The following ZKSCAN8 variants were observed in gnomAD, a reference collection of about 807,000 sequenced individuals.
The protein encoded by ZKSCAN8 is zinc finger with KRAB and SCAN domains 8.
In ZKSCAN8, 27 loss-of-function variants were observed where a neutral mutation model predicts 57.2. The ratio of observed to expected loss-of-function variants is 0.47; its 90% confidence interval spans 0.35 to 0.65. The LOEUF is 0.65. Among genes scored for constraint, ZKSCAN8 ranks in the 30% least tolerant of loss-of-function variants. ZKSCAN8 has a pLI of 0.01. For missense variants in ZKSCAN8, 597 were observed against 696.3 expected (o/e 0.86, Z 1.60); for synonymous variants, 214 against 248.7 (o/e 0.86, Z 1.31).
rs1765820565 is a variant in ZKSCAN8, at chr6:28,157,439, T to G, written c.*3422T>G. 1.3e-5 allele frequency: 2 copies of G among 152,278 alleles called. No homozygotes were observed. The highest frequency in any genetic ancestry group is 4.1e-4 in the South Asian group (2 of 4,826). 9.4% of individuals were successfully genotyped at this position (152,278 alleles called of 1,614,324 possible). On this transcript the variant is annotated 3_prime_UTR_variant, in exon 6 of 6. Transcript: ENST00000330236. ...ATGAGGAAACGGAGGCTTAGTTGAG[T>G]GAGCTGACCAATATCACCCAGCCAG...
At position 28,153,915 on chromosome 6, in the gene ZKSCAN8, C is replaced by T. The variant is rs62638669; in HGVS notation, c.1635C>T (p.Pro545=). ...TGAGAATTCACACAGGGGAGAAGCCCTACCAATGTAATGAGTGTGGGAAAG... is the reference window on the plus strand; with the variant it reads ...TGAGAATTCACACAGGGGAGAAGCCTTACCAATGTAATGAGTGTGGGAAAG... ...QHLRIHTGEK[P]YQCNECGKAF... is the part of the protein sequence containing the mutation. The change falls in exon 6 of 6, where the codon CCC becomes CCT. Residue 545 remains proline, a synonymous_variant. Coordinates refer to ENST00000330236, the MANE Select transcript of ZKSCAN8 (RefSeq NM_006298.4). The T allele has an allele frequency of 5.9e-4, 957 of 1,614,168 alleles. 9 individuals carry two copies. The African/African-American group carries it at 0.01, about 17-fold the overall frequency.
chr6:28,156,399 TTAC>T lies in ZKSCAN8; in HGVS notation c.*2385_*2387del, dbSNP rs1765784520. On this transcript the variant is annotated 3_prime_UTR_variant, in exon 6 of 6. Coordinates refer to ENST00000330236, the MANE Select transcript of ZKSCAN8 (RefSeq NM_006298.4). ...TAGCCAGATTACTTAAATCTCAGAATTACTAAGCATGTGGCATAAATTTGGAGA... is the reference window on the plus strand; with the variant it reads ...TAGCCAGATTACTTAAATCTCAGAATTAAGCATGTGGCATAAATTTGGAGA... 1 of 393,980 alleles carries T rather than the reference TTAC, an allele frequency of 2.5e-6. No individual in the cohort carries two copies. The highest frequency in any genetic ancestry group is 4.5e-6 in the Non-Finnish European group (1 of 223,506). The allele number at this position is 393,980 out of a possible 1,614,324, so 24.4% of individuals were successfully genotyped here. A position where few individuals can be genotyped will look rare whatever the true frequency, so the allele number is the denominator to read the frequency against.
In ZKSCAN8 at chr6:28,158,128, T is replaced by G. The variant is rs1023763140; in HGVS notation, c.*4111T>G. 4 of 152,178 alleles carry G rather than the reference T, an allele frequency of 2.6e-5. No individual in the cohort carries two copies. The highest frequency in any genetic ancestry group is 5.9e-5 in the Non-Finnish European group (4 of 68,040). 9.4% of individuals were successfully genotyped at this position (152,178 alleles called of 1,614,324 possible). A position where few individuals can be genotyped will look rare whatever the true frequency, so the allele number is the denominator to read the frequency against. On this transcript the variant is annotated 3_prime_UTR_variant, in exon 6 of 6. Transcript: ENST00000330236. ...AATAAGGCCTTTTTTTATTATTATTTCTTGTCTTTTTTGATCTAATTTATA... is the reference window on the plus strand; with the variant it reads ...AATAAGGCCTTTTTTTATTATTATTGCTTGTCTTTTTTGATCTAATTTATA...
At position 28,144,622 on chromosome 6, in the gene ZKSCAN8, T is replaced by A. The variant is rs1372506518; in HGVS notation, c.-93+2593T>A. ...CACCTCTGTCAACAAACATTTGCAA[T>A]AAGGCCATGGCCACATTCTCACAAT... is the stretch of plus-strand genomic sequence containing the variant. On this transcript the variant is annotated intron_variant, in intron 1 of 5. Transcript: ENST00000330236. This position sits in a 1 kb window ranked among gnomAD's most constrained non-coding sequence, Gnocchi z 4.5. Among the ~76,000 whole-genome samples, 1 of 152,218 alleles carries A rather than the reference T, an allele frequency of 6.6e-6. No homozygotes were observed. The highest frequency in any genetic ancestry group is 1.5e-5 in the Non-Finnish European group (1 of 68,028).
chr6:28,149,652 A>AG (rs777989317), intron 3 of ZKSCAN8, 28 bp downstream of exon 3: 12 of 1,610,432 alleles, frequency 7.5e-6, no homozygotes, highest in Admixed American at 6.7e-5. Context: ...ATTGATGATA[A>AG]GGGGGGGAAG....
Position 28,153,279 on chromosome 6 carries a change from G to A in ZKSCAN8, c.999G>A (p.Gln333=). ...ATGAATGTGGGAAAAGCTTTGCTCA[G>A]AGCTCAGGCCTTGTTCGCCACTGGA... ...KCDECGKSFA[Q]SSGLVRHWRI... The change falls in exon 6 of 6, where the codon CAG becomes CAA. Residue 333 remains glutamine, a synonymous_variant. Coordinates refer to ENST00000330236, the MANE Select transcript of ZKSCAN8 (RefSeq NM_006298.4). 6.2e-7 allele frequency: 1 copy of A among 1,614,236 alleles called. No homozygotes were observed.
At position 28,158,328 on chromosome 6, in the gene ZKSCAN8, A is replaced by C. The variant is rs1765853534; in HGVS notation, c.*4311A>C. 6.6e-6 allele frequency: 1 copy of C among 150,628 alleles called. No homozygotes were observed. The highest frequency in any genetic ancestry group is 2.5e-5 in the African/African-American group (1 of 40,814). 9.3% of individuals were successfully genotyped at this position (150,628 alleles called of 1,614,324 possible). ...TCTATACTCCTATTTATCCATTTTG[A>C]TTGTTTATACCTACTATTTGTATTC... On this transcript the variant is annotated 3_prime_UTR_variant, in exon 6 of 6. Coordinates refer to ENST00000330236, the MANE Select transcript of ZKSCAN8 (RefSeq NM_006298.4).
At chr6:28,151,676 G>A (rs1156731011) in intron 3 of ZKSCAN8, among the ~76,000 whole-genome samples, 169 bp from the exon 4 acceptor site, 1 of 152,142 alleles carries the variant, frequency 6.6e-6, no homozygotes, top group Non-Finnish European at 1.5e-5. Context: ...ATGTTTTGTG[G>A]GGCAGCCATA....
At position 28,157,001 on chromosome 6, in the gene ZKSCAN8, T is replaced by A. The variant is rs1454273271; in HGVS notation, c.*2984T>A. 6.6e-6 allele frequency: 1 copy of A among 152,220 alleles called. No homozygotes were observed. Among genetic ancestry groups the A allele is most frequent in the African/African-American group, 2.4e-5 (1 of 41,460 alleles). 9.4% of individuals were successfully genotyped at this position (152,220 alleles called of 1,614,324 possible). ...TATGTGCCCAACCCTGTTATGCCTT[T>A]CTCAGGCTCATGATAAATGTATTAG... On this transcript the variant is annotated 3_prime_UTR_variant, in exon 6 of 6. Transcript: ENST00000330236.
chr6:28,149,526 T>A lies in ZKSCAN8; in HGVS notation c.461T>A (p.Val154Glu), dbSNP rs1346919459. Reference protein sequence around the residue: ...VHGHRVLWEEVVHSASAPEPP... With the variant: ...VHGHRVLWEEEVHSASAPEPP... ...GGACATAGGGTACTCTGGGAGGAGG[T>A]AGTACATTCAGCATCTGCACCAGAG... The change falls in exon 3 of 6, where the codon GTA becomes GAA. Residue 154 changes from valine (V) to glutamate (E), a missense_variant. Coordinates refer to ENST00000330236, the MANE Select transcript of ZKSCAN8 (RefSeq NM_006298.4). 1.2e-6 allele frequency: 2 copies of A among 1,613,980 alleles called. No homozygotes were observed. The highest frequency in any genetic ancestry group is 1.7e-5 in the Admixed American group (1 of 59,978).
Position 28,156,237 on chromosome 6 carries a change from G to A in ZKSCAN8, c.*2220G>A. 2.5e-6 allele frequency: 1 copy of A among 398,246 alleles called. No homozygotes were observed. The highest frequency in any genetic ancestry group is 1.3e-4 in the South Asian group (1 of 7,852). The allele number at this position is 398,246 out of a possible 1,614,324, so 24.7% of individuals were successfully genotyped here. On this transcript the variant is annotated 3_prime_UTR_variant, in exon 6 of 6. Coordinates refer to ENST00000330236, the MANE Select transcript of ZKSCAN8 (RefSeq NM_006298.4). ...CGCTTCTCTTCTATTCCAATAAAAA[G>A]TCCTTTTAGCAATGCAACATATTAA...
At position 28,148,328 on chromosome 6, in the gene ZKSCAN8, A is replaced by T; in HGVS notation, c.-80A>T. 1 of 1,441,418 alleles carries T rather than the reference A, an allele frequency of 6.9e-7. No homozygotes were observed. Among genetic ancestry groups the T allele is most frequent in the South Asian group, 1.4e-5 (1 of 72,080 alleles). 89.3% of individuals were successfully genotyped at this position (1,441,418 alleles called of 1,614,324 possible). ...TTTCTTCATGAAGAAGTACCCTTAG[A>T]AAGAGGCCCTCAGAAGAGTCTTCTC... On this transcript the variant is annotated 5_prime_UTR_variant, in exon 2 of 6. Transcript: ENST00000330236.
rs1765410488 is a variant in ZKSCAN8 at position 28,146,737 on chromosome 6, C to T, written c.-92-1579C>T. 4.6e-5 allele frequency among the ~76,000 whole-genome samples: 7 copies of T among 152,286 alleles called. No homozygotes were observed. The South Asian group carries it at 1.5e-3, about 32-fold the overall frequency. On this transcript the variant is annotated intron_variant, in intron 1 of 5. Transcript: ENST00000330236. ...TAAAAGTTACACAATCAAGACTATT[C>T]TGTATTGGTGAAAGAATAGATGTAT...
rs1321155926 is a variant in ZKSCAN8, at chr6:28,153,309, C to A, written c.1029C>A (p.Ile343=). The change falls in exon 6 of 6, where the codon ATC becomes ATA. Residue 343 remains isoleucine, a synonymous_variant. Coordinates refer to ENST00000330236, the MANE Select transcript of ZKSCAN8 (RefSeq NM_006298.4). ...CAGGCCTTGTTCGCCACTGGAGAAT[C>A]CACACTGGGGAGAAACCCTATCAGT... ...QSSGLVRHWR[I]HTGEKPYQCN... is the part of the protein sequence containing the mutation. 3 of 1,614,226 alleles carry A rather than the reference C, an allele frequency of 1.9e-6. No homozygotes were observed. The highest frequency in any genetic ancestry group is 1.7e-5 in the Admixed American group (1 of 60,032).
At position 28,153,292 on chromosome 6, in the gene ZKSCAN8, G is replaced by A. The variant is rs1456076989; in HGVS notation, c.1012G>A (p.Val338Ile). 8.1e-6 allele frequency: 13 copies of A among 1,614,186 alleles called. No homozygotes were observed. Among genetic ancestry groups the A allele is most frequent in the South Asian group, 3.3e-5 (3 of 91,090 alleles). Residue 338 changes from valine (V) to isoleucine (I), a missense_variant, in exon 6 of 6, where the codon GTT becomes ATT. By Grantham distance (29) the Val-to-Ile change is conservative (BLOSUM62 3). Transcript: ENST00000330236. ...GKSFAQSSGL[V>I]RHWRIHTGEK... ...AAGCTTTGCTCAGAGCTCAGGCCTTGTTCGCCACTGGAGAATCCACACTGG... is the reference window on the plus strand; with the variant it reads ...AAGCTTTGCTCAGAGCTCAGGCCTTATTCGCCACTGGAGAATCCACACTGG...
intron 1 of ZKSCAN8, among the ~76,000 whole-genome samples, 173 bp from the exon 2 acceptor site, chr6:28,148,143 G>A (rs4713148): frequency 0.23 from 34,904 of 152,068 alleles, 4,147 homozygotes; most frequent in African/African-American, 0.28. Context: ...GTTTGGCATG[G>A]CTGGCATGAC....
At position 28,154,271 on chromosome 6, in the gene ZKSCAN8, A is replaced by T; in HGVS notation, c.*254A>T. Reference sequence around the variant, plus strand: ...AATGTATCCTTTAGAAATTTAAAATAGCATTAGAGCAAGTTGCTTGTCATG... The same window carrying T: ...AATGTATCCTTTAGAAATTTAAAATTGCATTAGAGCAAGTTGCTTGTCATG... On this transcript the variant is annotated 3_prime_UTR_variant, in exon 6 of 6. Transcript: ENST00000330236. The T allele has an allele frequency of 2.5e-6, 1 of 395,580 alleles. No homozygotes were observed. The highest frequency in any genetic ancestry group is 4.4e-6 in the Non-Finnish European group (1 of 226,576). The allele number at this position is 395,580 out of a possible 1,614,324, so 24.5% of individuals were successfully genotyped here.
Position 28,153,737 on chromosome 6 carries a change from G to T in ZKSCAN8, c.1457G>T (p.Gly486Val). 3 of 1,613,978 alleles carry T rather than the reference G, an allele frequency of 1.9e-6. No homozygotes were observed. Among genetic ancestry groups the T allele is most frequent in the Non-Finnish European group, 2.5e-6 (3 of 1,179,950 alleles). Reference protein sequence around the residue: ...HLIGHQRSHTGEKPYKCNECG... With the variant: ...HLIGHQRSHTVEKPYKCNECG... ...ATTGGTCATCAGAGGAGCCACACTG[G>T]GGAGAAACCCTACAAATGCAATGAG... is the stretch of plus-strand genomic sequence containing the variant. The change falls in exon 6 of 6, where the codon GGG (glycine) becomes GTG (valine). Residue 486 changes from glycine to valine, a missense_variant. Physicochemically the swap from Gly to Val is moderately radical, Grantham distance 109. Coordinates refer to ENST00000330236, the MANE Select transcript of ZKSCAN8 (RefSeq NM_006298.4).
intron 1 of ZKSCAN8, among the ~76,000 whole-genome samples, chr6:28,146,120 C>T (rs750313636): frequency 6.6e-6 from 1 of 152,128 alleles, no homozygotes; most frequent in Non-Finnish European, 1.5e-5. Flanking sequence ...GAACTTTTTT[C>T]GGACATCAGG....
Sources: gnomAD v4.1 joint callset for allele counts (sites outside exome capture counted in the v4.1 genomes callset) on GRCh38, gnomAD v4.1.1 for gene constraint, Gnocchi (gnomAD v3.1) non-coding constraint, MANE v1.5 for transcripts, NCBI Gene and HGNC (gene_info 2026-07-23, HGNC 2026-07-21) for gene names.